Variants in RPS16 observed in about 807,000 individuals in gnomAD.
RPS16 encodes small ribosomal subunit protein uS9.
A neutral mutation model predicts 20.1 loss-of-function variants in RPS16; 2 were observed. The ratio of observed to expected loss-of-function variants is 0.10; its 90% confidence interval spans 0.04 to 0.31. The LOEUF is 0.31. RPS16 is among the 10% of genes least tolerant of loss of function. RPS16 has a pLI of 1.00. For synonymous variants in RPS16, 95 were observed against 76.1 expected (o/e 1.25, Z -1.29); for missense variants, 129 against 198.6 (o/e 0.65, Z 2.11).
intron 2 of RPS16, chr19:39,435,241 G>C (rs1311934157): frequency 1.4e-5 from 3 of 213,266 alleles, no homozygotes; most frequent in African/African-American, 2.3e-5. Flanking sequence ...GAAGGTTGCA[G>C]TGATCCGAGA....
rs752979423 is a variant in RPS16 at position 39,433,759 on chromosome 19, C to T, written c.153G>A (p.Leu51=). Residue 51 remains leucine (L), a splice_region_variant and synonymous_variant, in exon 3 of 5, where the codon CTG becomes CTA. Transcript: ENST00000251453. ...TGCCGAGAAGCAGAACTGGCTCCAG[C>T]AGCTAAAGGAATGGGGAATGAACAG... is the stretch of plus-strand genomic sequence containing the variant. ...MIEPRTLQYK[L]LEPVLLLGKE... is the part of the protein sequence containing the mutation. 2.5e-6 allele frequency: 4 copies of T among 1,613,818 alleles called. No individual in the cohort carries two copies. Among genetic ancestry groups the T allele is most frequent in the Non-Finnish European group, 3.4e-6 (4 of 1,179,976 alleles).
rs139109626 is a variant in RPS16 at position 39,435,846 on chromosome 19, A to G, written c.48+2T>C. 512 of 1,610,310 alleles carry G rather than the reference A, an allele frequency of 3.2e-4. No homozygotes were observed. Among genetic ancestry groups the G allele is most frequent in the Non-Finnish European group, 4.0e-4 (477 of 1,179,912 alleles). On this transcript the variant is annotated splice_donor_variant, in intron 1 of 4. Transcript: ENST00000251453. LOFTEE classifies it high-confidence loss of function. ...CCCCTTCCCATCCGGCGTCTGGCTCACCTTGCGTCCGAAGACCTGCACAGA... is the reference window on the plus strand; with the variant it reads ...CCCCTTCCCATCCGGCGTCTGGCTCGCCTTGCGTCCGAAGACCTGCACAGA...
Position 39,433,279 on chromosome 19 carries a change from G to A in RPS16, c.435C>T (p.Tyr145=). 1.9e-6 allele frequency: 3 copies of A among 1,612,720 alleles called. No homozygotes were observed. The highest frequency in any genetic ancestry group is 2.5e-6 in the Non-Finnish European group (3 of 1,180,022). ...GTTTTGAGTCACGATGGGCTTATCG[G>A]TAGGATTTCTGGTAGCGAGCGCGGG... ...PGARARYQKS[Y]R Residue 145 remains tyrosine (Y), a synonymous_variant, in exon 5 of 5, where the codon TAC becomes TAT. Coordinates refer to ENST00000251453, the MANE Select transcript of RPS16 (RefSeq NM_001020.6).
Position 39,433,710 on chromosome 19 carries a change from T to C in RPS16, c.202A>G (p.Ile68Val), listed in dbSNP as rs1441220265. 1 of 1,614,136 alleles carries C rather than the reference T, an allele frequency of 6.2e-7. No individual in the cohort carries two copies. The highest frequency in any genetic ancestry group is 2.2e-5 in the East Asian group (1 of 44,882). ...LGKERFAGVD[I>V]RVRVKGGGHV... ...CCACCACCCTTTACACGGACACGGA[T>C]GTCTACACCAGCAAATCGCTCCTTG... The change falls in exon 3 of 5, where the codon ATC becomes GTC. Residue 68 changes from isoleucine to valine, a missense_variant. Around this residue, in one of 2 missense-constraint regions of RPS16, gnomAD observed 117 missense variants for 151.4 expected, o/e 0.77. Coordinates refer to ENST00000251453, the MANE Select transcript of RPS16 (RefSeq NM_001020.6).
chr19:39,434,009 T>C, intron 2 of RPS16: 1 of 485,302 alleles, frequency 2.1e-6, no homozygotes, highest in Non-Finnish European at 3.8e-6. Context: ...CTGGGCTCCC[T>C]CCTACTTGTG....
intron 2 of RPS16, chr19:39,435,312 A>T (rs1046833819): frequency 2.7e-6 from 1 of 371,994 alleles, no homozygotes; most frequent in Non-Finnish European, 4.9e-6. Flanking sequence ...ACAAATAAAT[A>T]AAATAAAAAA....
chr19:39,434,053 G>C (rs2078846137), intron 2 of RPS16: 1 of 413,710 alleles, frequency 2.4e-6, no homozygotes, highest in Admixed American at 3.6e-5. Flanking sequence ...CTACCTCTAA[G>C]ACTGGTTCTT....
chr19:39,435,289 A>C, intron 2 of RPS16: 74 of 274,124 alleles, frequency 2.7e-4, no homozygotes, highest in East Asian at 5.1e-4. Context: ...ACACAGCGAG[A>C]CTCCCTCTCA....
rs917983017 is a variant in RPS16, at chr19:39,435,231, G to T, written c.150+376C>A. The T allele has an allele frequency of 3.6e-5, 7 of 194,322 alleles. 1 individual carries two copies. Among genetic ancestry groups the T allele is most frequent in the Non-Finnish European group, 7.5e-5 (7 of 93,116 alleles). 12.0% of individuals were successfully genotyped at this position (194,322 alleles called of 1,614,324 possible). On this transcript the variant is annotated intron_variant, in intron 2 of 4. Coordinates refer to ENST00000251453, the MANE Select transcript of RPS16 (RefSeq NM_001020.6). The stretch of plus-strand genomic sequence containing the variant: ...GGAGAATCGCTTTAACCCGGGAGGC[G>T]AAGGTTGCAGTGATCCGAGATCGCG...
rs746255750 is a variant in RPS16, at chr19:39,433,508, C to A, written c.295+14G>T. The A allele has an allele frequency of 1.1e-5, 17 of 1,613,932 alleles. No individual in the cohort carries two copies. Among genetic ancestry groups the A allele is most frequent in the Non-Finnish European group, 1.4e-5 (16 of 1,179,906 alleles). ...CACCCATCTACCTCATGGGAAGGAC[C>A]CATGCTCACTCACATTTCTGGTAAT... is the stretch of plus-strand genomic sequence containing the variant. On this transcript the variant is annotated intron_variant, in intron 4 of 4. Coordinates refer to ENST00000251453, the MANE Select transcript of RPS16 (RefSeq NM_001020.6).
In RPS16 at chr19:39,433,943, A is replaced by G. The variant is rs556730546; in HGVS notation, c.151-182T>C. On this transcript the variant is annotated intron_variant, in intron 2 of 4. Transcript: ENST00000251453. The stretch of plus-strand genomic sequence containing the variant: ...AGAAGAGGAAAGTCAAAAAAGCCAG[A>G]TATGAGACTGCTGAAGTGGTGTTAA... 138 of 598,156 alleles carry G rather than the reference A, an allele frequency of 2.3e-4. No individual in the cohort carries two copies. In the South Asian group the frequency reaches 2.4e-3, roughly 10 times the overall value. The allele number at this position is 598,156 out of a possible 1,614,324, so 37.1% of individuals were successfully genotyped here. A position where few individuals can be genotyped will look rare whatever the true frequency, so the allele number is the denominator to read the frequency against.
In RPS16 at chr19:39,435,525, G is replaced by GC. The variant is rs878959689; in HGVS notation, c.150+81dup. Reference sequence around the variant, plus strand: ...TCTAAACATCCCGTTGCTGATGCCAGCCCCCCCAGCTTTCAAGAGCTACAA... The same window carrying GC: ...TCTAAACATCCCGTTGCTGATGCCAGCCCCCCCCAGCTTTCAAGAGCTACAA... On this transcript the variant is annotated intron_variant, in intron 2 of 4. Transcript: ENST00000251453. 8.1e-5 allele frequency: 94 copies of GC among 1,156,162 alleles called. No individual in the cohort carries two copies. The East Asian group carries it at 9.2e-4, about 11-fold the overall frequency. The allele number at this position is 1,156,162 out of a possible 1,614,324, so 71.6% of individuals were successfully genotyped here.
rs372235282 is a variant in RPS16 at position 39,433,380 on chromosome 19, G to A, written c.334C>T (p.Leu112Phe). 2 of 1,614,170 alleles carry A rather than the reference G, an allele frequency of 1.2e-6. No individual in the cohort carries two copies. The highest frequency in any genetic ancestry group is 1.1e-5 in the South Asian group (1 of 91,082). ...EASKKEIKDILIQYDRTLLVA... is the reference protein window; with the variant it reads ...EASKKEIKDIFIQYDRTLLVA... The stretch of plus-strand genomic sequence containing the variant: ...AGCAGGGTCCGGTCATACTGGATGA[G>A]GATGTCTTTGATCTCCTTCTTGGAA... The change falls in exon 5 of 5, where the codon CTC becomes TTC. Residue 112 changes from leucine to phenylalanine, a missense_variant. Leu to Phe is a conservative substitution (Grantham distance 22). Transcript: ENST00000251453.
At chr19:39,435,532 C>T in intron 2 of RPS16, 75 bp downstream of exon 2, 1 of 1,262,418 alleles carries the variant, frequency 7.9e-7, no homozygotes, top group Non-Finnish European at 1.1e-6. Flanking sequence ...CCAGCCCCCC[C>T]AGCTTTCAAG....
In RPS16 at chr19:39,435,905, C is replaced by G. The variant is rs772439833; in HGVS notation, c.-10G>C. On this transcript the variant is annotated 5_prime_UTR_variant, in exon 1 of 5. Coordinates refer to ENST00000251453, the MANE Select transcript of RPS16 (RefSeq NM_001020.6). ...GGCCCTTGGACGGCATGGCTCCGAG[C>G]GTGGACTAGACAACCTCACCGCGCG... 4.4e-6 allele frequency: 7 copies of G among 1,604,220 alleles called. No homozygotes were observed. The highest frequency in any genetic ancestry group is 1.1e-5 in the South Asian group (1 of 91,084).
chr19:39,435,842 G>A lies in RPS16; in HGVS notation c.48+6C>T. On this transcript the variant is annotated splice_donor_region_variant and intron_variant, in intron 1 of 4. Coordinates refer to ENST00000251453, the MANE Select transcript of RPS16 (RefSeq NM_001020.6). ...CCCTCCCCTTCCCATCCGGCGTCTG[G>A]CTCACCTTGCGTCCGAAGACCTGCA... 1.2e-6 allele frequency: 2 copies of A among 1,610,454 alleles called. No homozygotes were observed. Among genetic ancestry groups the A allele is most frequent in the Non-Finnish European group, 8.5e-7 (1 of 1,179,842 alleles).
In RPS16 at chr19:39,433,773, G is replaced by A. The variant is rs1444050229; in HGVS notation, c.151-12C>T. ...ACTGGCTCCAGCAGCTAAAGGAATG[G>A]GGAATGAACAGGGATTTAAGTTACA... On this transcript the variant is annotated splice_polypyrimidine_tract_variant and intron_variant, in intron 2 of 4. Coordinates refer to ENST00000251453, the MANE Select transcript of RPS16 (RefSeq NM_001020.6). 6.2e-7 allele frequency: 1 copy of A among 1,613,004 alleles called. No homozygotes were observed. Among genetic ancestry groups the A allele is most frequent in the African/African-American group, 1.3e-5 (1 of 74,876 alleles).
rs767142370 is a variant in RPS16, at chr19:39,435,943, G to C, written c.-48C>G. 4 of 1,601,042 alleles carry C rather than the reference G, an allele frequency of 2.5e-6. No individual in the cohort carries two copies. Among genetic ancestry groups the C allele is most frequent in the Non-Finnish European group, 3.4e-6 (4 of 1,179,706 alleles). On this transcript the variant is annotated 5_prime_UTR_variant, in exon 1 of 5. Coordinates refer to ENST00000251453, the MANE Select transcript of RPS16 (RefSeq NM_001020.6). ...ACCTCACCGCGCGGCGCCGCAACCG[G>C]AAAAGGAAAGCTAGGGGCCACCCTG... is the stretch of plus-strand genomic sequence containing the variant.
chr19:39,434,319 C>T (rs573995345), intron 2 of RPS16: 2 of 160,508 alleles, frequency 1.2e-5, no homozygotes, highest in African/African-American at 2.4e-5. Flanking sequence ...GCTCACAGGT[C>T]TCCTTCCCCA....
Sources: gnomAD v4.1 joint callset for allele counts on GRCh38, gnomAD v4.1.1 for gene constraint, gnomAD v4.1.1 regional missense constraint, MANE v1.5 for transcripts, NCBI Gene and HGNC (gene_info 2026-07-23, HGNC 2026-07-21) for gene names.